Variants in KLF8 observed in about 807,000 individuals in gnomAD.
KLF8 encodes the protein KLF transcription factor 8.
Under a neutral mutation model 18.2 loss-of-function variants are expected in KLF8, and 10 were observed. The ratio of observed to expected loss-of-function variants is 0.55; its 90% CI spans 0.34 to 0.93. The LOEUF is 0.93. Among genes scored for constraint, KLF8 ranks in the 40% least tolerant of loss-of-function variants. KLF8 has a pLI of 0.02. For synonymous variants in KLF8, 109 were observed against 97.3 expected, an observed-to-expected ratio of 1.12 and a Z score of -0.71; for missense variants, 264 against 277.9, an observed-to-expected ratio of 0.95 and a Z score of 0.36.
chrX:56,210,776 C>A, the KLF8 span, among the ~76,000 whole-genome samples: 1 of 108,687 alleles, frequency 9.2e-6, no homozygotes, highest in Admixed American at 1.0e-4. Context: ...AGTCTGACTT[C>A]AAGTTCACTA....
chrX:56,117,513 A>G, the KLF8 span, among the ~76,000 whole-genome samples: 1 of 111,615 alleles, frequency 9.0e-6, no homozygotes, highest in Non-Finnish European at 1.9e-5. Context: ...AAAAAAAAAC[A>G]GAAAGAACCT....
At chrX:56,146,095 C>T in the KLF8 span, among the ~76,000 whole-genome samples, 2 of 111,863 alleles carry the variant, frequency 1.8e-5, no homozygotes, top group African/African-American at 3.2e-5. Flanking sequence ...AAAATAGAAA[C>T]GTTTTTACAC....
the KLF8 span, among the ~76,000 whole-genome samples, chrX:56,066,764 G>A: frequency 9.0e-6 from 1 of 110,908 alleles, no homozygotes; most frequent in African/African-American, 3.3e-5. Flanking sequence ...GCAGTCTGAT[G>A]GGGACTAGAC....
At chrX:55,941,388 T>G in the KLF8 span, among the ~76,000 whole-genome samples, 1 of 111,935 alleles carries the variant, frequency 8.9e-6, no homozygotes, top group African/African-American at 3.2e-5. Flanking sequence ...ATGAAAGACT[T>G]AAATGTTAGA....
chrX:56,157,607 T>C, the KLF8 span, among the ~76,000 whole-genome samples: 4 of 111,454 alleles, frequency 3.6e-5, no homozygotes, highest in African/African-American at 6.5e-5. Flanking sequence ...TGGTATCTCA[T>C]TGTGGTTTTG....
chrX:55,938,546 G>A, the KLF8 span, among the ~76,000 whole-genome samples: 1 of 111,181 alleles, frequency 9.0e-6, no homozygotes, highest in Admixed American at 9.6e-5. Context: ...AATGTAAATG[G>A]GCTAAATGCT....
chrX:56,056,872 G>A, the KLF8 span, among the ~76,000 whole-genome samples: 2 of 109,598 alleles, frequency 1.8e-5, no homozygotes, highest in Non-Finnish European at 3.8e-5. Flanking sequence ...CTACACTGAG[G>A]GGCCAAGGTG....
chrX:55,942,576 C>A, the KLF8 span, among the ~76,000 whole-genome samples: 1 of 111,251 alleles, frequency 9.0e-6, no homozygotes, highest in Admixed American at 9.6e-5. Flanking sequence ...AAGATAATTG[C>A]AGCTTATGGT....
At chrX:55,961,861 G>A in the KLF8 span, 3 of 232,918 alleles carry the variant, frequency 1.3e-5, no homozygotes, top group South Asian at 6.3e-5. Flanking sequence ...ACCTCGTCTA[G>A]AGCAGTGAAA....
the KLF8 span, among the ~76,000 whole-genome samples, chrX:55,998,530 A>G: frequency 8.9e-6 from 1 of 112,476 alleles, no homozygotes; most frequent in South Asian, 3.7e-4. Context: ...TGTTTAACAA[A>G]GCACATCTTG....
the KLF8 span, among the ~76,000 whole-genome samples, chrX:56,192,141 T>A: frequency 3.6e-5 from 4 of 111,739 alleles, no homozygotes; most frequent in African/African-American, 9.7e-5. Context: ...GGATAAAAAG[T>A]GAACATGCAA....
At chrX:56,037,508 T>G in the KLF8 span, among the ~76,000 whole-genome samples, 1 of 111,583 alleles carries the variant, frequency 9.0e-6, no homozygotes, top group African/African-American at 3.2e-5. Context: ...TTTAAAAAAG[T>G]TTGGTAAAAT....
At chrX:56,028,545 T>C in the KLF8 span, among the ~76,000 whole-genome samples, 12 of 111,581 alleles carry the variant, frequency 1.1e-4, no homozygotes, top group African/African-American at 3.9e-4. Context: ...CCATCCCTTT[T>C]GCACACCCGA....
At chrX:56,157,833 T>C in the KLF8 span, among the ~76,000 whole-genome samples, 1 of 111,728 alleles carries the variant, frequency 9.0e-6, no homozygotes, top group African/African-American at 3.3e-5. Context: ...TCTCCCATTC[T>C]GTAGGTTGCC....
the KLF8 span, among the ~76,000 whole-genome samples, chrX:56,001,915 A>G: frequency 1.8e-5 from 2 of 112,078 alleles, no homozygotes; most frequent in African/African-American, 6.5e-5. Context: ...CAAATTAACT[A>G]TCAGATCATT....
the KLF8 span, among the ~76,000 whole-genome samples, chrX:56,171,718 C>G: frequency 8.9e-6 from 1 of 111,732 alleles, no homozygotes; most frequent in Non-Finnish European, 1.9e-5. Context: ...TTTTTTATGG[C>G]TGCATAGTAT....
intron 1 of KLF8, among the ~76,000 whole-genome samples, chrX:56,233,656 G>A (rs1243952391): frequency 1.8e-5 from 2 of 111,772 alleles, no homozygotes; most frequent in African/African-American, 6.5e-5. Flanking sequence ...TAAGCGGTAA[G>A]GATTGTCTTT....
the KLF8 span, among the ~76,000 whole-genome samples, chrX:56,187,510 C>G: frequency 8.9e-6 from 1 of 111,773 alleles, no homozygotes; most frequent in African/African-American, 3.3e-5. Flanking sequence ...GGAATCCTCC[C>G]TAACTCATTT....
At chrX:56,283,918 A>G (rs1232174741) in intron 5 of KLF8, among the ~76,000 whole-genome samples, 1 of 112,171 alleles carries the variant, frequency 8.9e-6, no homozygotes, top group African/African-American at 3.2e-5. Flanking sequence ...ACAAAGGCCT[A>G]TTTGAACAAG....
Sources: gnomAD v4.1 joint callset for allele counts (sites outside exome capture counted in the v4.1 genomes callset) on GRCh38, gnomAD v4.1.1 for gene constraint, MANE v1.5 for transcripts, NCBI Gene and HGNC (gene_info 2026-07-23, HGNC 2026-07-21) for gene names.